The following UST variants were observed in gnomAD, a reference collection of about 807,000 sequenced individuals.
UST encodes the protein uronyl 2-sulfotransferase, also known as chondroitin sulfate 2-O-sulfotransferase.
In UST, 21 loss-of-function variants were observed where a neutral mutation model predicts 45.6. That is an observed-to-expected ratio of 0.46 (90% CI 0.33 to 0.66). The LOEUF (loss-of-function observed/expected upper bound fraction) is 0.66, where lower values mean the gene tolerates loss of function less well. Among genes scored for constraint, UST ranks in the 30% least tolerant of loss-of-function variants. The pLI is 0.02. For synonymous variants in UST, 215 were observed against 200.6 expected (o/e 1.07, Z -0.61); for missense variants, 463 against 512.4 (o/e 0.90, Z 0.93).
intron 2 of UST, among the ~76,000 whole-genome samples, chr6:148,911,913 C>G (rs1432273414): frequency 6.6e-6 from 1 of 152,076 alleles, no homozygotes; most frequent in Admixed American, 6.5e-5. Context: ...AAAATAGATT[C>G]AGGCCGGCCA....
At chr6:148,799,216 A>G (rs756093425) in intron 1 of UST, among the ~76,000 whole-genome samples, 34 of 152,102 alleles carry the variant, frequency 2.2e-4, no homozygotes, top group Non-Finnish European at 4.1e-4. Flanking sequence ...GTAGGTTTGG[A>G]TAATAGAGGG....
At chr6:148,939,906 C>T (rs1268740389) in intron 2 of UST, among the ~76,000 whole-genome samples, 1 of 151,960 alleles carries the variant, frequency 6.6e-6, no homozygotes, top group Non-Finnish European at 1.5e-5. Context: ...CTTCAAAGGA[C>T]ACCATAAAGA....
intron 1 of UST, among the ~76,000 whole-genome samples, chr6:148,824,674 C>CTTTTTTT (rs535345402): frequency 4.5e-5 from 6 of 133,358 alleles, no homozygotes; most frequent in South Asian, 2.4e-4. Context: ...TATTTTCTTT[C>CTTTTTTT]TTTTTTTTTT....
chr6:148,904,310 C>G (rs576719233), intron 2 of UST, among the ~76,000 whole-genome samples: 2 of 152,066 alleles, frequency 1.3e-5, no homozygotes, highest in Admixed American at 1.3e-4. Flanking sequence ...AAATCAGTTC[C>G]TATAAAAGTT....
At chr6:148,971,512 C>A (rs1780919679) in intron 5 of UST, among the ~76,000 whole-genome samples, 1 of 152,088 alleles carries the variant, frequency 6.6e-6, no homozygotes, top group East Asian at 1.9e-4. Context: ...ATGGCGCTGT[C>A]CAGGCATTGA....
intron 1 of UST, among the ~76,000 whole-genome samples, chr6:148,823,514 A>G (rs1777505952): frequency 1.3e-5 from 2 of 152,212 alleles, no homozygotes; most frequent in African/African-American, 4.8e-5. Context: ...TTAGAGGAGA[A>G]TTATATTTTC....
chr6:148,862,517 T>C (rs1778339012), intron 1 of UST, among the ~76,000 whole-genome samples: 1 of 152,238 alleles, frequency 6.6e-6, no homozygotes, highest in Admixed American at 6.5e-5. Flanking sequence ...AATATTGTTG[T>C]GTGTGAATTT....
chr6:148,816,093 A>G (rs1777348764), intron 1 of UST, among the ~76,000 whole-genome samples: 1 of 152,220 alleles, frequency 6.6e-6, no homozygotes, highest in Non-Finnish European at 1.5e-5. Context: ...GTGCCTCAGG[A>G]TGGGCCAGCT....
chr6:149,007,749 G>GT (rs200775787), intron 5 of UST, among the ~76,000 whole-genome samples: 33 of 150,690 alleles, frequency 2.2e-4, no homozygotes, highest in African/African-American at 6.6e-4. Flanking sequence ...AAGACAGGGG[G>GT]TTTTTTTTTG....
At chr6:148,946,537 T>C (rs867575225) in intron 3 of UST, among the ~76,000 whole-genome samples, 11 of 71,030 alleles carry the variant, frequency 1.5e-4, no homozygotes, top group South Asian at 4.6e-4. Context: ...AAAGGCCGGG[T>C]GCGGTGGCTC....
intron 7 of UST, among the ~76,000 whole-genome samples, chr6:149,052,323 T>G (rs1032592256): frequency 6.6e-6 from 1 of 152,240 alleles, no homozygotes; most frequent in African/African-American, 2.4e-5. Flanking sequence ...TAATAGTTGT[T>G]GTTATTATAT....
At chr6:148,769,731 G>C (rs999578358) in intron 1 of UST, among the ~76,000 whole-genome samples, 1 of 149,656 alleles carries the variant, frequency 6.7e-6, no homozygotes, top group African/African-American at 2.5e-5. Flanking sequence ...TGGGAGTATA[G>C]GAATGTAGGA....
intron 1 of UST, among the ~76,000 whole-genome samples, chr6:148,872,919 G>C (rs977212895): frequency 1.3e-5 from 2 of 152,092 alleles, no homozygotes; most frequent in Non-Finnish European, 1.5e-5. Context: ...CCAGCATCCT[G>C]GAAGCTGCCT....
chr6:148,926,715 T>C (rs1779820885), intron 2 of UST, among the ~76,000 whole-genome samples: 1 of 152,182 alleles, frequency 6.6e-6, no homozygotes, highest in Non-Finnish European at 1.5e-5. Flanking sequence ...CAGTGTTCAT[T>C]TATAACTCAT....
rs990047618 is a variant in UST, at chr6:148,747,699, T to C, written c.247+22T>C. ...TTGGGTAAGGAAGCTGGGCAGGCGC[T>C]AGGGCGGCGCCGACAGCGCAAAGTT... On this transcript the variant is annotated intron_variant, in intron 1 of 7. Coordinates refer to ENST00000367463, the MANE Select transcript of UST (RefSeq NM_005715.3). 9 of 1,569,652 alleles carry C rather than the reference T, an allele frequency of 5.7e-6. No homozygotes were observed. In the Admixed American group the frequency reaches 7.4e-5, roughly 13 times the overall value.
At chr6:148,789,398 G>A (rs1776793472) in intron 1 of UST, among the ~76,000 whole-genome samples, 1 of 151,366 alleles carries the variant, frequency 6.6e-6, no homozygotes, top group Non-Finnish European at 1.5e-5. Flanking sequence ...ACACTTTTGA[G>A]TAGCAAGGAT....
intron 2 of UST, among the ~76,000 whole-genome samples, chr6:148,892,527 A>C (rs1398140526): frequency 6.6e-6 from 1 of 152,210 alleles, no homozygotes; most frequent in Non-Finnish European, 1.5e-5. Context: ...ACATTGTTTA[A>C]TATGGTAGCT....
intron 1 of UST, among the ~76,000 whole-genome samples, chr6:148,781,120 G>A (rs1464697632): frequency 6.6e-6 from 1 of 152,178 alleles, no homozygotes; most frequent in Non-Finnish European, 1.5e-5. Flanking sequence ...AGCTAGAAAT[G>A]ATTAAGCTTA....
chr6:148,859,497 A>G (rs898464237), intron 1 of UST, among the ~76,000 whole-genome samples: 4 of 152,126 alleles, frequency 2.6e-5, no homozygotes, highest in Admixed American at 6.5e-5. Context: ...CTTTAGTTTA[A>G]TTAGATCCCA....
Sources: allele counts gnomAD v4.1 joint callset (sites outside exome capture counted in the v4.1 genomes callset), GRCh38; gene constraint gnomAD v4.1.1; transcripts MANE v1.5; gene names NCBI Gene and HGNC (gene_info 2026-07-23, HGNC 2026-07-21).